Variants in ANKRD53 observed in about 807,000 individuals in gnomAD.
ANKRD53 encodes ankyrin repeat domain-containing protein 53.
ANKRD53 carries 27 observed loss-of-function variants against 30.1 expected under a neutral mutation model. That is an observed-to-expected ratio of 0.90 (90% CI 0.66 to 1.24). The LOEUF (loss-of-function observed/expected upper bound fraction) is 1.24, where lower values mean the gene tolerates loss of function less well. Among genes scored for constraint, ANKRD53 ranks in the 50% most tolerant of loss-of-function variants. The probability of loss-of-function intolerance (pLI) is 0.00; values close to 1 mark genes in which losing one functional copy is unlikely to be tolerated. For missense variants in ANKRD53, 682 were observed against 721.0 expected (o/e 0.95, Z 0.62); for synonymous variants, 286 against 295.4 (o/e 0.97, Z 0.33).
In ANKRD53 at chr2:70,978,960, C is replaced by G; in HGVS notation, c.171-137C>G. On this transcript the variant is annotated intron_variant, in intron 1 of 5. Transcript: ENST00000360589. The surrounding 1 kb of genome is among the most constrained non-coding windows in gnomAD (Gnocchi z 4.3). ...ACAGGCTGGGGCCAGGGATCGCCTCCCGAGAGGTGCCTAGGCCGTGGCCCA... is the reference window on the plus strand; with the variant it reads ...ACAGGCTGGGGCCAGGGATCGCCTCGCGAGAGGTGCCTAGGCCGTGGCCCA... 1 of 1,441,418 alleles carries G rather than the reference C, an allele frequency of 6.9e-7. No individual in the cohort carries two copies. The highest frequency in any genetic ancestry group is 2.6e-5 in the East Asian group (1 of 39,066). 89.3% of individuals were successfully genotyped at this position (1,441,418 alleles called of 1,614,324 possible).
chr2:70,983,901 C>T (rs72899711), intron 5 of ANKRD53, among the ~76,000 whole-genome samples: 2,599 of 152,280 alleles, frequency 0.017, 46 homozygotes, highest in African/African-American at 0.045. Flanking sequence ...CCTCTGATTG[C>T]TTAGCAACAG....
At chr2:70,981,066 A>C (rs10209338) in intron 3 of ANKRD53, among the ~76,000 whole-genome samples, 19,173 of 152,292 alleles carry the variant, frequency 0.13, 1,875 homozygotes, top group African/African-American at 0.24. Flanking sequence ...TTCTAACTTG[A>C]AGCTAAGTTT....
At position 70,982,986 on chromosome 2, in the gene ANKRD53, C is replaced by A. The variant is rs111320266; in HGVS notation, c.903+289C>A. On this transcript the variant is annotated intron_variant, in intron 5 of 5. Coordinates refer to ENST00000360589, the MANE Select transcript of ANKRD53 (RefSeq NM_001115116.2). The surrounding 1 kb of genome is among the most constrained non-coding windows in gnomAD (Gnocchi z 4.2). ...TGTACTGCCTCTTTCAGGATGAGAA[C>A]CTTCAATGAGACCAAGGCACTGCCT... 5.1e-3 allele frequency among the ~76,000 whole-genome samples: 779 copies of A among 152,292 alleles called. 7 individuals are homozygous for A. The highest frequency in any genetic ancestry group is 0.018 in the African/African-American group (744 of 41,548).
chr2:70,985,274 C>T lies in ANKRD53; in HGVS notation c.1567C>T (p.Leu523=). The change falls in exon 6 of 6, where the codon CTG becomes TTG. Residue 523 remains leucine (L), a synonymous_variant. Coordinates refer to ENST00000360589, the MANE Select transcript of ANKRD53 (RefSeq NM_001115116.2). The part of the protein sequence containing the change: ...AVRSHQGLPT[L]PSPQTNP ...GCGATCTCATCAAGGACTCCCCACC[C>T]TGCCCTCCCCACAAACCAACCCATA... 3 of 1,534,518 alleles carry T rather than the reference C, an allele frequency of 2.0e-6. No homozygotes were observed. The highest frequency in any genetic ancestry group is 1.2e-5 in the South Asian group (1 of 83,812).
At chr2:70,981,431 G>A (rs1184344416) in intron 3 of ANKRD53, among the ~76,000 whole-genome samples, 3 of 152,190 alleles carry the variant, frequency 2.0e-5, no homozygotes, top group African/African-American at 7.2e-5. Context: ...CTAAGGAGGT[G>A]ACATTTAAAT....
At position 70,985,204 on chromosome 2, in the gene ANKRD53, C is replaced by A. The variant is rs782773700; in HGVS notation, c.1497C>A (p.Ala499=). 4.5e-6 allele frequency: 7 copies of A among 1,551,386 alleles called. No homozygotes were observed. The highest frequency in any genetic ancestry group is 6.1e-6 in the Non-Finnish European group (7 of 1,147,010). The change falls in exon 6 of 6, where the codon GCC becomes GCA. Residue 499 remains alanine (A), a synonymous_variant. Transcript: ENST00000360589. ...GDNTFWTDTL[A]MNLRDTFDEA... Reference sequence around the variant, plus strand: ...ACACCTTCTGGACCGACACTCTGGCCATGAACCTGCGTGACACATTCGATG... The same window carrying A: ...ACACCTTCTGGACCGACACTCTGGCAATGAACCTGCGTGACACATTCGATG...
At chr2:70,979,002 GC>G in intron 1 of ANKRD53, 94 bp from the exon 2 acceptor site, 3 of 1,462,190 alleles carry the variant, frequency 2.1e-6, no homozygotes, top group Non-Finnish European at 2.7e-6. Context: ...CTTCCCCACT[GC>G]CCCGCCCACC....
intron 5 of ANKRD53, chr2:70,984,171 C>A (rs898589080): frequency 1.9e-5 from 30 of 1,614,100 alleles, no homozygotes; most frequent in Non-Finnish European, 2.5e-5. Context: ...CCCCATCACA[C>A]CAGAGACTCT....
rs782503063 is a variant in ANKRD53, at chr2:70,978,855, G to GA, written c.170+42dup. The GA allele has an allele frequency of 1.6e-5, 25 of 1,535,194 alleles. No homozygotes were observed. The highest frequency in any genetic ancestry group is 4.0e-5 in the Admixed American group (2 of 50,040). On this transcript the variant is annotated intron_variant, in intron 1 of 5. Coordinates refer to ENST00000360589, the MANE Select transcript of ANKRD53 (RefSeq NM_001115116.2). This position sits in a 1 kb window ranked among gnomAD's most constrained non-coding sequence, Gnocchi z 4.3. ...AAGGTGTCCCGGCTGCAGGGAGCGA[G>GA]AACCCGGCCCAGCGCCTCCCTGGTG... is the stretch of plus-strand genomic sequence containing the variant.
At chr2:70,978,608 G>C, upstream of ANKRD53, 3 of 1,491,878 alleles carry the variant, frequency 2.0e-6, no homozygotes, top group South Asian at 1.3e-5. The surrounding 1 kb of genome is among the most constrained non-coding windows in gnomAD (Gnocchi z 4.3). Context: ...GGGTGTGTGA[G>C]TAGCCCGCCC....
At position 70,982,522 on chromosome 2, in the gene ANKRD53, C is replaced by T; in HGVS notation, c.783-55C>T. On this transcript the variant is annotated intron_variant, in intron 4 of 5. Transcript: ENST00000360589. This position sits in a 1 kb window ranked among gnomAD's most constrained non-coding sequence, Gnocchi z 4.2. ...TCAGCAGCAGCCAGTCTTCCCAGCC[C>T]AGGTGGAAGCTCTGTCACTGTGGGA... 1.2e-6 allele frequency: 2 copies of T among 1,602,590 alleles called. No homozygotes were observed. The highest frequency in any genetic ancestry group is 1.7e-6 in the Non-Finnish European group (2 of 1,172,596).
rs1553423055 is a variant in ANKRD53 at position 70,979,278 on chromosome 2, G to A, written c.352G>A (p.Gly118Ser). ...SYYQLFAAAV[G>S]NVEWLRFCLN... ...CTACCAGCTGTTCGCAGCGGCTGTG[G>A]GCAACGTGGAATGGCTGCGATTCTG... The change falls in exon 2 of 6, where the codon GGC (glycine) becomes AGC (serine). Residue 118 changes from glycine to serine, a missense_variant. Physicochemically the swap from Gly to Ser is moderately conservative, Grantham distance 56. Coordinates refer to ENST00000360589, the MANE Select transcript of ANKRD53 (RefSeq NM_001115116.2). The A allele has an allele frequency of 3.1e-6, 5 of 1,613,778 alleles. No individual in the cohort carries two copies. The highest frequency in any genetic ancestry group is 2.5e-6 in the Non-Finnish European group (3 of 1,180,046).
Position 70,985,103 on chromosome 2 carries a change from T to A in ANKRD53, c.1396T>A (p.Tyr466Asn). The A allele has an allele frequency of 6.4e-7, 1 of 1,550,984 alleles. No homozygotes were observed. The highest frequency in any genetic ancestry group is 1.7e-4 in the Middle Eastern group (1 of 5,990). The change falls in exon 6 of 6, where the codon TAC becomes AAC. Residue 466 changes from tyrosine to asparagine, a missense_variant. Physicochemically the swap from Tyr to Asn is moderately radical, Grantham distance 143 (BLOSUM62 -2). Transcript: ENST00000360589. ...LRMLYPRVWP[Y>N]RMKVPQGFYP... is the part of the protein sequence containing the mutation. Reference sequence around the variant, plus strand: ...CATGCTGTACCCACGTGTATGGCCATACAGAATGAAGGTGCCCCAGGGCTT... The same window carrying A: ...CATGCTGTACCCACGTGTATGGCCAAACAGAATGAAGGTGCCCCAGGGCTT...
Position 70,978,818 on chromosome 2 carries a change from G to T in ANKRD53, c.170+3G>T, listed in dbSNP as rs782704880. The T allele has an allele frequency of 6.4e-6, 10 of 1,558,522 alleles. No homozygotes were observed. The African/African-American group carries it at 1.4e-4, about 21-fold the overall frequency. On this transcript the variant is annotated splice_donor_region_variant and intron_variant, in intron 1 of 5. Coordinates refer to ENST00000360589, the MANE Select transcript of ANKRD53 (RefSeq NM_001115116.2). The surrounding 1 kb of genome is among the most constrained non-coding windows in gnomAD (Gnocchi z 4.3). The stretch of plus-strand genomic sequence containing the variant: ...GACGCGGAGTCCAAGCAGCCCAGGT[G>T]GGTAGCGGGAGAAGGTGTCCCGGCT...
Position 70,978,939 on chromosome 2 carries a change from G to T in ANKRD53, c.170+124G>T. 1 of 1,441,344 alleles carries T rather than the reference G, an allele frequency of 6.9e-7. No individual in the cohort carries two copies. 89.3% of individuals were successfully genotyped at this position (1,441,344 alleles called of 1,614,324 possible). A position where few individuals can be genotyped will look rare whatever the true frequency, so the allele number is the denominator to read the frequency against. On this transcript the variant is annotated intron_variant, in intron 1 of 5. Transcript: ENST00000360589. This position sits in a 1 kb window ranked among gnomAD's most constrained non-coding sequence, Gnocchi z 4.3. ...CGGCCCGAGAAGCCAGCAGAGACAG[G>T]CTGGGGCCAGGGATCGCCTCCCGAG...
rs781965821 is a variant in ANKRD53, at chr2:70,979,224, G to A, written c.298G>A (p.Ala100Thr). Residue 100 changes from alanine to threonine, a missense_variant, in exon 2 of 6, where the codon GCA (alanine) becomes ACA (threonine). Ala to Thr is a moderately conservative substitution (Grantham distance 58). Transcript: ENST00000360589. ...CCCCAGCAAGGAGTCCGACCAGACG[G>A]CAATCGACCAGACGGCGATCGGGAG... ...PSPSKESDQT[A>T]IDQTAIGSYY... 2 of 1,613,462 alleles carry A rather than the reference G, an allele frequency of 1.2e-6. No homozygotes were observed. Among genetic ancestry groups the A allele is most frequent in the Non-Finnish European group, 1.7e-6 (2 of 1,180,018 alleles).
In ANKRD53 at chr2:70,979,843, A is replaced by G; in HGVS notation, c.600A>G (p.Lys200=). Residue 200 remains lysine (K), a synonymous_variant, in exon 3 of 6, where the codon AAA becomes AAG. Transcript: ENST00000360589. The stretch of plus-strand genomic sequence containing the variant: ...CCTGCATCTACTACCTGCTGGAGAA[A>G]GGCGCAGACCTCAATGCGTGAGTCC... ...ALPCIYYLLE[K]GADLNAQTCN... 1 of 1,614,220 alleles carries G rather than the reference A, an allele frequency of 6.2e-7. No homozygotes were observed. Among genetic ancestry groups the G allele is most frequent in the Non-Finnish European group, 8.5e-7 (1 of 1,180,036 alleles).
In ANKRD53 at chr2:70,978,728, C is replaced by A. The variant is rs782425687; in HGVS notation, c.83C>A (p.Pro28Gln). Residue 28 changes from proline to glutamine, a missense_variant, in exon 1 of 6, where the codon CCG becomes CAG. Transcript: ENST00000360589. This position sits in a 1 kb window ranked among gnomAD's most constrained non-coding sequence, Gnocchi z 4.3. ...SERGEGRGAR[P>Q]QPTPSGSMQQ... is the part of the protein sequence containing the mutation. ...AGGGGAGAAGGGAGAGGTGCTCGGC[C>A]GCAGCCAACTCCAAGTGGCTCCATG... The A allele has an allele frequency of 1.3e-6, 2 of 1,554,818 alleles. No homozygotes were observed. Among genetic ancestry groups the A allele is most frequent in the Non-Finnish European group, 1.7e-6 (2 of 1,149,366 alleles).
chr2:70,978,848 G>C lies in ANKRD53; in HGVS notation c.170+33G>C. 6.5e-7 allele frequency: 1 copy of C among 1,538,750 alleles called. No individual in the cohort carries two copies. The highest frequency in any genetic ancestry group is 8.8e-7 in the Non-Finnish European group (1 of 1,141,766). ...GCGGGAGAAGGTGTCCCGGCTGCAG[G>C]GAGCGAGAACCCGGCCCAGCGCCTC... On this transcript the variant is annotated intron_variant, in intron 1 of 5. Transcript: ENST00000360589. This position sits in a 1 kb window ranked among gnomAD's most constrained non-coding sequence, Gnocchi z 4.3.
Sources: gnomAD v4.1 joint callset for allele counts (sites outside exome capture counted in the v4.1 genomes callset) on GRCh38, gnomAD v4.1.1 for gene constraint, Gnocchi (gnomAD v3.1) non-coding constraint, MANE v1.5 for transcripts, NCBI Gene and HGNC (gene_info 2026-07-23, HGNC 2026-07-21) for gene names.